The following ZNF841 variants were observed in gnomAD, a reference collection of about 807,000 sequenced individuals.
The protein encoded by ZNF841 is zinc finger protein 841.
Under a neutral mutation model 13.0 loss-of-function variants are expected in ZNF841, and 11 were observed. The ratio of observed to expected loss-of-function variants is 0.85; its 90% CI spans 0.53 to 1.40. The LOEUF is 1.40. ZNF841 is among the 40% of genes most tolerant of loss of function. The probability of loss-of-function intolerance (pLI) is 0.00; values close to 1 mark genes in which losing one functional copy is unlikely to be tolerated. For missense variants in ZNF841, 1,068 were observed against 1,139.5 expected (o/e 0.94, Z 0.90); for synonymous variants, 369 against 381.6 (o/e 0.97, Z 0.38).
At chr19:52,073,221 T>C (rs747290469) in intron 6 of ZNF841, among the ~76,000 whole-genome samples, 34 of 152,150 alleles carry the variant, frequency 2.2e-4, no homozygotes, top group Non-Finnish European at 3.7e-4. Flanking sequence ...ACGACTTACA[T>C]TAAGTCTTCA....
rs2123283022 is a variant in ZNF841 at position 52,076,165 on chromosome 19, A to G, written c.150T>C (p.Cys50=). 6.4e-7 allele frequency: 1 copy of G among 1,553,630 alleles called. No homozygotes were observed. The highest frequency in any genetic ancestry group is 8.7e-7 in the Non-Finnish European group (1 of 1,148,002). Residue 50 remains cysteine, a synonymous_variant, in exon 6 of 7, where the codon TGT becomes TGC. Transcript: ENST00000594440. ...TGGAGATAATATTCAGGTCAGGAAG[A>G]CAGAGTCCTGCTTATAAAAAAAGAA... ...NYRNLGFLGL[C]LPDLNIISML...
At chr19:52,070,767 C>T (rs536872105) in intron 6 of ZNF841, among the ~76,000 whole-genome samples, 95 of 152,310 alleles carry the variant, frequency 6.2e-4, no homozygotes, top group Non-Finnish European at 1.1e-3. Flanking sequence ...ATCCCCTGCA[C>T]ATATTGATTT....
rs201900939 is a variant in ZNF841, at chr19:52,066,211, C to T, written c.1671G>A (p.Ser557=). ...GKVFNYGGYL[S]VHMRCHTGEK... ...CTCCAGTATGACATCTCATATGAAC[C>T]GAAAGGTATCCACCGTAATTAAAGA... The change falls in exon 7 of 7, where the codon TCG becomes TCA. Residue 557 remains serine, a synonymous_variant. Coordinates refer to ENST00000594440, the MANE Select transcript of ZNF841 (RefSeq NM_001136499.2). The T allele has an allele frequency of 1.1e-5, 17 of 1,608,284 alleles. 1 individual carries two copies. The highest frequency in any genetic ancestry group is 3.3e-4 in the Middle Eastern group (2 of 6,050).
chr19:52,074,079 T>G (rs2087819757), intron 6 of ZNF841, among the ~76,000 whole-genome samples: 1 of 152,200 alleles, frequency 6.6e-6, no homozygotes, highest in African/African-American at 2.4e-5. Context: ...GTAAAAGGAA[T>G]AACTGATACT....
chr19:52,066,186 C>A lies in ZNF841; in HGVS notation c.1696G>T (p.Glu566Ter), dbSNP rs185896004. 4.7e-4 allele frequency: 761 copies of A among 1,613,972 alleles called. 9 individuals are homozygous for A. Among genetic ancestry groups the A allele is most frequent in the Non-Finnish European group, 2.2e-5 (26 of 1,179,920 alleles). ...CATTTATTACAATGGAGAGGTTTCTCTCCAGTATGACATCTCATATGAACC... is the reference window on the plus strand; with the variant it reads ...CATTTATTACAATGGAGAGGTTTCTATCCAGTATGACATCTCATATGAACC... ...LSVHMRCHTGEKPLHCNKCGM... is the reference protein window; with the variant it reads ...LSVHMRCHTG The change falls in exon 7 of 7, where the codon GAG becomes TAG. Residue 566 changes from glutamate to a stop codon, truncating the protein, a stop_gained. Transcript: ENST00000594440. LOFTEE classifies it low-confidence loss of function (END_TRUNC).
At chr19:52,086,944 C>T (rs2088295219) in intron 3 of ZNF841, among the ~76,000 whole-genome samples, 1 of 152,134 alleles carries the variant, frequency 6.6e-6, no homozygotes, top group Non-Finnish European at 1.5e-5. Flanking sequence ...AGACTCTGAA[C>T]AAGATTGTAT....
downstream of ZNF841, among the ~76,000 whole-genome samples, chr19:52,061,375 G>T (rs1032899426): frequency 2.6e-5 from 4 of 152,072 alleles, no homozygotes; most frequent in African/African-American, 9.7e-5. Context: ...ACACCATCCT[G>T]CCATTAGACC....
At chr19:52,084,085 G>A (rs1417009684) in intron 4 of ZNF841, among the ~76,000 whole-genome samples, 1 of 151,968 alleles carries the variant, frequency 6.6e-6, no homozygotes, top group African/African-American at 2.4e-5. Flanking sequence ...TCTTACATCT[G>A]AGCAAAATTA....
At chr19:52,075,412 A>G (rs1404445270) in intron 6 of ZNF841, among the ~76,000 whole-genome samples, 2 of 152,206 alleles carry the variant, frequency 1.3e-5, no homozygotes, top group Non-Finnish European at 2.9e-5. Flanking sequence ...CTGTCTTTAC[A>G]ATTCTTATAT....
At chr19:52,062,163 A>G (rs886974859), downstream of ZNF841, among the ~76,000 whole-genome samples, 5 of 152,242 alleles carry the variant, frequency 3.3e-5, no homozygotes, top group East Asian at 9.7e-4. Context: ...CCAAAAGTTG[A>G]CCTTATTACT....
chr19:52,083,700 T>A (rs551852097), intron 4 of ZNF841, among the ~76,000 whole-genome samples: 2 of 152,128 alleles, frequency 1.3e-5, no homozygotes, highest in Non-Finnish European at 2.9e-5. Context: ...GCCCTGTTTT[T>A]TACTTGTTTG....
In ZNF841 at chr19:52,066,757, A is replaced by G. The variant is rs2087582651; in HGVS notation, c.1125T>C (p.Cys375=). ...GACTAAAGCACTTCCCACATCGATT[A>G]CATTTGTAAGGTTTCTCTCCAGTAT... ...RIHTGEKPYK[C]NRCGKCFSQS... Residue 375 remains cysteine, a synonymous_variant, in exon 7 of 7, where the codon TGT becomes TGC. Transcript: ENST00000594440. The G allele has an allele frequency of 3.1e-6, 5 of 1,613,142 alleles. No homozygotes were observed. The South Asian group carries it at 4.4e-5, about 14-fold the overall frequency.
chr19:52,084,646 G>T, intron 4 of ZNF841, 141 bp downstream of exon 4: 1 of 862,430 alleles, frequency 1.2e-6, no homozygotes, highest in Non-Finnish European at 1.9e-6. Flanking sequence ...GTGCAGAAGA[G>T]AGGGACTGAA....
intron 4 of ZNF841, among the ~76,000 whole-genome samples, chr19:52,079,442 A>C (rs143912618): frequency 1.7e-4 from 25 of 151,380 alleles, no homozygotes; most frequent in African/African-American, 5.8e-4. Context: ...AAAAAAAAAA[A>C]AAAAAAAAAA....
Position 52,065,502 on chromosome 19 carries a change from T to G in ZNF841, c.2380A>C (p.Lys794Gln). 1 of 1,614,200 alleles carries G rather than the reference T, an allele frequency of 6.2e-7. No individual in the cohort carries two copies. The highest frequency in any genetic ancestry group is 2.2e-5 in the East Asian group (1 of 44,886). The stretch of plus-strand genomic sequence containing the variant: ...AAGGCTTTGCCACACTCATTACATT[T>G]GTAAGGTTTCTCTCCAGTATGAATA... ...WSIHTGEKPY[K>Q]CNECGKAFRV... The change falls in exon 7 of 7, where the codon AAA becomes CAA. Residue 794 changes from lysine (K) to glutamine (Q), a missense_variant. By Grantham distance (53) the Lys-to-Gln change is moderately conservative. Coordinates refer to ENST00000594440, the MANE Select transcript of ZNF841 (RefSeq NM_001136499.2).
chr19:52,067,141 T>G lies in ZNF841; in HGVS notation c.741A>C (p.Leu247Phe). 2 of 1,557,658 alleles carry G rather than the reference T, an allele frequency of 1.3e-6. No individual in the cohort carries two copies. Among genetic ancestry groups the G allele is most frequent in the Non-Finnish European group, 8.7e-7 (1 of 1,149,646 alleles). Residue 247 changes from leucine (L) to phenylalanine (F), a missense_variant, in exon 7 of 7, where the codon TTA (leucine) becomes TTC (phenylalanine). Physicochemically the swap from Leu to Phe is conservative, Grantham distance 22 (BLOSUM62 0). Coordinates refer to ENST00000594440, the MANE Select transcript of ZNF841 (RefSeq NM_001136499.2). Reference sequence around the variant, plus strand: ...TATGTGTTTTCTCGTCTTGTGTAGGTAACGAAAGTTGCAAAAAATCATTCC... The same window carrying G: ...TATGTGTTTTCTCGTCTTGTGTAGGGAACGAAAGTTGCAAAAAATCATTCC... The part of the protein sequence containing the change: ...KYGNDFLQLS[L>F]PTQDEKTHIR...
At chr19:52,074,587 G>C (rs1312153038) in intron 6 of ZNF841, among the ~76,000 whole-genome samples, 2 of 152,060 alleles carry the variant, frequency 1.3e-5, no homozygotes, top group African/African-American at 4.8e-5. Context: ...CGCAATCTCA[G>C]CTCACTACAA....
intron 6 of ZNF841, 94 bp from the exon 7 acceptor site, chr19:52,067,704 T>C (rs750629248): frequency 4.7e-5 from 41 of 863,896 alleles, no homozygotes; most frequent in East Asian, 3.9e-4. Context: ...ATAATGTTTA[T>C]ACTAGCAAGT....
At chr19:52,086,195 G>A (rs989025113) in intron 3 of ZNF841, among the ~76,000 whole-genome samples, 15 of 152,164 alleles carry the variant, frequency 9.9e-5, no homozygotes, top group African/African-American at 3.4e-4. Context: ...GATCAGCTCT[G>A]TGTCCCTGGC....
Sources: allele counts gnomAD v4.1 joint callset (sites outside exome capture counted in the v4.1 genomes callset), GRCh38; gene constraint gnomAD v4.1.1; transcripts MANE v1.5; gene names NCBI Gene and HGNC (gene_info 2026-07-23, HGNC 2026-07-21).